The following DLG2 variants were observed in gnomAD, a reference collection of about 807,000 sequenced individuals.
DLG2 encodes the protein disks large homolog 2.
In DLG2, 45 loss-of-function variants were observed where a neutral mutation model predicts 132.5. The ratio of observed to expected loss-of-function variants is 0.34; its 90% CI spans 0.27 to 0.44. The LOEUF is 0.44. Among genes scored for constraint, DLG2 ranks in the 20% least tolerant of loss-of-function variants. The pLI, the probability that DLG2 is intolerant of heterozygous loss-of-function variation, is 1.00. For missense variants in DLG2, 1,045 were observed against 1,196.9 expected, an observed-to-expected ratio of 0.87 and a Z score of 1.87; for synonymous variants, 424 against 419.6, an observed-to-expected ratio of 1.01 and a Z score of -0.13.
chr11:84,136,508 G>A (rs2094606593), intron 9 of DLG2, among the ~76,000 whole-genome samples: 2 of 152,122 alleles, frequency 1.3e-5, no homozygotes, highest in South Asian at 4.1e-4. Flanking sequence ...AATGAGATAT[G>A]AGAATCTATT....
intron 2 of DLG2, among the ~76,000 whole-genome samples, chr11:85,621,120 C>A (rs2081663320): frequency 6.6e-6 from 1 of 152,058 alleles, no homozygotes; most frequent in Admixed American, 6.5e-5. Flanking sequence ...TCTGTCCATG[C>A]TCTAAAAGTA....
chr11:84,817,664 G>A (rs1296636971), intron 6 of DLG2, among the ~76,000 whole-genome samples: 1 of 151,950 alleles, frequency 6.6e-6, no homozygotes, highest in Non-Finnish European at 1.5e-5. Context: ...TGCATATTAT[G>A]TATTCTCTAC....
chr11:84,329,475 C>T (rs935481477), intron 7 of DLG2, among the ~76,000 whole-genome samples: 3 of 152,086 alleles, frequency 2.0e-5, no homozygotes, highest in Non-Finnish European at 2.9e-5. Context: ...AAGGAGTTTC[C>T]CACTTTGCTT....
At chr11:85,043,612 A>T (rs2062055052) in intron 6 of DLG2, among the ~76,000 whole-genome samples, 1 of 151,924 alleles carries the variant, frequency 6.6e-6, no homozygotes, top group African/African-American at 2.4e-5. Context: ...CAATTTAGAG[A>T]ATTTTAGCTT....
chr11:83,780,999 C>A (rs918985520), intron 18 of DLG2, among the ~76,000 whole-genome samples: 2 of 152,172 alleles, frequency 1.3e-5, no homozygotes, highest in Admixed American at 1.3e-4. Flanking sequence ...TGATAAAATG[C>A]AGATTCTGAT....
intron 9 of DLG2, among the ~76,000 whole-genome samples, chr11:84,145,229 T>C (rs1275250652): frequency 1.3e-5 from 2 of 152,216 alleles, no homozygotes; most frequent in African/African-American, 4.8e-5. Flanking sequence ...AGTACCCTTA[T>C]ACAGTCATGT....
At chr11:84,214,904 T>C (rs1269274869) in intron 8 of DLG2, among the ~76,000 whole-genome samples, 2 of 152,146 alleles carry the variant, frequency 1.3e-5, no homozygotes, top group African/African-American at 4.8e-5. Context: ...AATATATCCA[T>C]TTGATGAAGA....
intron 7 of DLG2, among the ~76,000 whole-genome samples, chr11:84,290,997 C>T (rs1257835540): frequency 6.6e-6 from 1 of 152,052 alleles, no homozygotes; most frequent in African/African-American, 2.4e-5. Context: ...AAAAAATGCA[C>T]ATCTAGCAAT....
chr11:84,844,252 A>T (rs1599572705), intron 6 of DLG2, among the ~76,000 whole-genome samples: 1 of 150,152 alleles, frequency 6.7e-6, no homozygotes, highest in Non-Finnish European at 1.5e-5. Context: ...CTTTGTACAT[A>T]CTAGGGAATA....
At chr11:84,989,687 G>C (rs568628044) in intron 6 of DLG2, among the ~76,000 whole-genome samples, 6 of 152,210 alleles carry the variant, frequency 3.9e-5, no homozygotes, top group South Asian at 4.2e-4. Context: ...AAAGAATGTA[G>C]GAAGACTCAT....
chr11:83,789,199 C>A (rs1483325924), intron 17 of DLG2, among the ~76,000 whole-genome samples: 3 of 152,088 alleles, frequency 2.0e-5, no homozygotes, highest in Non-Finnish European at 4.4e-5. Flanking sequence ...CTAAATAAAT[C>A]TTTTTAAAGT....
chr11:84,738,561 T>G (rs533218890), intron 6 of DLG2, among the ~76,000 whole-genome samples: 1 of 152,246 alleles, frequency 6.6e-6, no homozygotes, highest in East Asian at 1.9e-4. Context: ...ATTTTTGAGA[T>G]ATTAAAATGT....
intron 6 of DLG2, among the ~76,000 whole-genome samples, chr11:84,611,024 T>TACACACACAC (rs10587472): frequency 0.021 from 2,832 of 138,144 alleles, 59 homozygotes; most frequent in African/African-American, 0.048. Flanking sequence ...TTAGATGACA[T>TACACACACAC]ACACACACAC....
At chr11:83,699,545 GAA>G (rs1202881153) in intron 18 of DLG2, among the ~76,000 whole-genome samples, 3 of 121,908 alleles carry the variant, frequency 2.5e-5, no homozygotes, top group African/African-American at 5.9e-5. Flanking sequence ...AAATACAAAA[GAA>G]AAAAAAAAAA....
intron 7 of DLG2, among the ~76,000 whole-genome samples, chr11:84,433,781 C>T (rs778531261): frequency 1.2e-4 from 18 of 152,030 alleles, no homozygotes; most frequent in Admixed American, 2.0e-4. Context: ...CAAATGCCAA[C>T]GTTAAGGTTA....
At chr11:83,968,888 A>T (rs1227106924) in intron 12 of DLG2, among the ~76,000 whole-genome samples, 3 of 152,206 alleles carry the variant, frequency 2.0e-5, no homozygotes, top group Non-Finnish European at 4.4e-5. Context: ...AGAAGAATAG[A>T]CTCATGCAGA....
chr11:84,869,051 AG>A (rs1393830541), intron 6 of DLG2, among the ~76,000 whole-genome samples: 2 of 152,214 alleles, frequency 1.3e-5, no homozygotes, highest in Non-Finnish European at 2.9e-5. Context: ...AATTAAGAAC[AG>A]GACAGAGTAA....
rs1210136076 is a variant in DLG2 at position 85,257,183 on chromosome 11, T to C, written c.186+28037A>G. Reference sequence around the variant, plus strand: ...AGTGGGCCACCTAGACACATTTACTTAGTTATGGAAAGGCAAAAAATCATT... The same window carrying C: ...AGTGGGCCACCTAGACACATTTACTCAGTTATGGAAAGGCAAAAAATCATT... On this transcript the variant is annotated intron_variant, in intron 4 of 27. Transcript: ENST00000376104. Among the ~76,000 whole-genome samples, 5 of 152,322 alleles carry C rather than the reference T, an allele frequency of 3.3e-5. No homozygotes were observed. The South Asian group carries it at 1.0e-3, about 32-fold the overall frequency.
At chr11:85,057,759 G>A (rs147186684) in intron 6 of DLG2, among the ~76,000 whole-genome samples, 1 of 151,200 alleles carries the variant, frequency 6.6e-6, no homozygotes, top group East Asian at 1.9e-4. Flanking sequence ...AAGTAAAACA[G>A]CTACATATGA....
Sources: gnomAD v4.1 joint callset for allele counts (sites outside exome capture counted in the v4.1 genomes callset) on GRCh38, gnomAD v4.1.1 for gene constraint, MANE v1.5 for transcripts, NCBI Gene and HGNC (gene_info 2026-07-23, HGNC 2026-07-21) for gene names.